The following GPC6 variants were observed in gnomAD, a reference collection of about 807,000 sequenced individuals.
GPC6 encodes the protein glypican-6.
In GPC6, 14 loss-of-function variants were observed where a neutral mutation model predicts 55.2. The ratio of observed to expected loss-of-function variants is 0.25; its 90% CI spans 0.17 to 0.40. The LOEUF (loss-of-function observed/expected upper bound fraction) is 0.40. Among genes scored for constraint, GPC6 ranks in the 10% least tolerant of loss-of-function variants. The pLI, the probability that GPC6 is intolerant of heterozygous loss-of-function variation, is 1.00. For synonymous variants in GPC6, 278 were observed against 259.6 expected, an observed-to-expected ratio of 1.07 and a Z score of -0.68; for missense variants, 641 against 708.5, an observed-to-expected ratio of 0.90 and a Z score of 1.08.
chr13:93,395,054 G>T, intron 1 of GPC6: 1 of 262,440 alleles, frequency 3.8e-6, no homozygotes, highest in Non-Finnish European at 7.6e-6. Context: ...TCCAAAATGT[G>T]AAGACTGACT....
chr13:93,747,304 T>A (rs1004706838), intron 2 of GPC6, among the ~76,000 whole-genome samples: 1 of 152,198 alleles, frequency 6.6e-6, no homozygotes, highest in Admixed American at 6.5e-5. Context: ...GTGAAAGAGC[T>A]GACAGGCAGC....
chr13:93,850,509 A>G (rs1281315838), intron 3 of GPC6, among the ~76,000 whole-genome samples: 2 of 152,006 alleles, frequency 1.3e-5, no homozygotes, highest in African/African-American at 4.8e-5. Flanking sequence ...TTCACTGTTT[A>G]TTGAGAAAAT....
chr13:93,356,259 A>G (rs527375063), intron 1 of GPC6, among the ~76,000 whole-genome samples: 2 of 152,328 alleles, frequency 1.3e-5, no homozygotes, highest in Non-Finnish European at 2.9e-5. Flanking sequence ...AAGAAATCTC[A>G]GACTTTAAGC....
At chr13:93,287,013 T>C (rs937568074) in intron 1 of GPC6, among the ~76,000 whole-genome samples, 4 of 152,124 alleles carry the variant, frequency 2.6e-5, no homozygotes, top group African/African-American at 9.7e-5. Context: ...CACAAATTAT[T>C]AAAAAATAGT....
chr13:94,132,666 A>G, intron 4 of GPC6, among the ~76,000 whole-genome samples: 1 of 152,196 alleles, frequency 6.6e-6, no homozygotes. Flanking sequence ...ATTAAAGACT[A>G]GAGCATTATC....
At chr13:93,399,061 G>GAC (rs35212206) in intron 1 of GPC6, among the ~76,000 whole-genome samples, 23,181 of 150,674 alleles carry the variant, frequency 0.15, 3,148 homozygotes, top group East Asian at 0.76. Flanking sequence ...CACACACACA[G>GAC]ACACACACAC....
At chr13:93,997,174 GATGAATGAATGAATAAGTGA>G (rs902057911) in intron 3 of GPC6, among the ~76,000 whole-genome samples, 1 of 152,126 alleles carries the variant, frequency 6.6e-6, no homozygotes, top group African/African-American at 2.4e-5. Context: ...AGTAGGTTTT[GATGAATGAATGAATAAGTGA>G]ATGAATGAAT....
chr13:94,061,924 A>T (rs1194841474), intron 4 of GPC6, among the ~76,000 whole-genome samples: 1 of 152,174 alleles, frequency 6.6e-6, no homozygotes, highest in Non-Finnish European at 1.5e-5. Flanking sequence ...AGAAATGTGT[A>T]CTGTAGAGTT....
chr13:94,081,358 T>C (rs1304333703), intron 4 of GPC6, among the ~76,000 whole-genome samples: 1 of 152,172 alleles, frequency 6.6e-6, no homozygotes, highest in East Asian at 1.9e-4. Flanking sequence ...TATTATCTCT[T>C]CAGTTACTCT....
At chr13:93,276,231 A>C (rs1391969293) in intron 1 of GPC6, among the ~76,000 whole-genome samples, 1 of 152,096 alleles carries the variant, frequency 6.6e-6, no homozygotes, top group Non-Finnish European at 1.5e-5. Flanking sequence ...CCCTTAGTCA[A>C]GCAAGGGTCA....
intron 1 of GPC6, among the ~76,000 whole-genome samples, chr13:93,518,849 A>T (rs2590537): frequency 0.94 from 143,371 of 152,068 alleles, 68,149 homozygotes; most frequent in East Asian, 1. Flanking sequence ...AACAAAGTGT[A>T]AGACATCAGT....
chr13:94,098,135 A>G (rs1316789366), intron 4 of GPC6, among the ~76,000 whole-genome samples: 1 of 152,240 alleles, frequency 6.6e-6, no homozygotes, highest in African/African-American at 2.4e-5. Flanking sequence ...TTATTAAGAA[A>G]TGTAATATGG....
At chr13:94,285,780 C>G (rs17196126) in intron 4 of GPC6, among the ~76,000 whole-genome samples, 2,900 of 152,232 alleles carry the variant, frequency 0.019, 49 homozygotes, top group South Asian at 0.07. Flanking sequence ...CTTGAATATA[C>G]AGAACCAAAT....
At chr13:93,547,213 C>T (rs974181258) in intron 2 of GPC6, among the ~76,000 whole-genome samples, 1 of 151,250 alleles carries the variant, frequency 6.6e-6, no homozygotes, top group South Asian at 2.1e-4. Flanking sequence ...GGGCGTGGTG[C>T]CAGGCGCCTG....
intron 3 of GPC6, among the ~76,000 whole-genome samples, chr13:93,953,687 G>T (rs540598045): frequency 3.3e-5 from 5 of 152,240 alleles, no homozygotes; most frequent in Admixed American, 3.3e-4. Context: ...AGAACCATAA[G>T]TATCACCTTG....
intron 2 of GPC6, among the ~76,000 whole-genome samples, chr13:93,764,308 G>A (rs1457723006): frequency 6.9e-6 from 1 of 144,026 alleles, no homozygotes; most frequent in Non-Finnish European, 1.5e-5. Context: ...TTTTTAGGAA[G>A]TGATGTGTTT....
intron 3 of GPC6, among the ~76,000 whole-genome samples, chr13:93,877,849 T>C (rs532229579): frequency 2.9e-4 from 44 of 152,170 alleles, no homozygotes; most frequent in African/African-American, 1.0e-3. Flanking sequence ...ATTACATTGG[T>C]GGAGACAGAA....
intron 3 of GPC6, among the ~76,000 whole-genome samples, chr13:93,938,085 T>A (rs1173527778): frequency 6.6e-6 from 1 of 152,154 alleles, no homozygotes; most frequent in African/African-American, 2.4e-5. Flanking sequence ...TGGGAGCAAC[T>A]CTTTAAGACA....
At chr13:94,109,382 A>C (rs1886161497) in intron 4 of GPC6, among the ~76,000 whole-genome samples, 1 of 152,162 alleles carries the variant, frequency 6.6e-6, no homozygotes, top group Non-Finnish European at 1.5e-5. Context: ...TTATGGTTTC[A>C]ATCAGTTTTT....
Sources: gnomAD v4.1 joint callset for allele counts (sites outside exome capture counted in the v4.1 genomes callset) on GRCh38, gnomAD v4.1.1 for gene constraint, MANE v1.5 for transcripts, NCBI Gene and HGNC (gene_info 2026-07-23, HGNC 2026-07-21) for gene names.